Variants in MME observed in about 807,000 individuals in gnomAD.
The protein encoded by MME is neprilysin.
In MME, 98 loss-of-function variants were observed where a neutral mutation model predicts 113.2. That is an observed-to-expected ratio of 0.87 (90% CI 0.74 to 1.02). The LOEUF (loss-of-function observed/expected upper bound fraction) is 1.02. Ranked by LOEUF, MME falls within the 50% of genes least tolerant of loss-of-function variation. MME has a pLI of 0.00. For missense variants in MME, 836 were observed against 896.0 expected (o/e 0.93, Z 0.86); for synonymous variants, 292 against 300.6 (o/e 0.97, Z 0.30).
chr3:155,172,950 G>T (rs1248965875), intron 22 of MME, among the ~76,000 whole-genome samples: 2 of 151,932 alleles, frequency 1.3e-5, no homozygotes, highest in Non-Finnish European at 2.9e-5. Flanking sequence ...AATGGTTTAG[G>T]CCCAGACCCA....
At chr3:155,048,088 G>A (rs377676432) in intron 1 of MME, among the ~76,000 whole-genome samples, 6 of 152,076 alleles carry the variant, frequency 3.9e-5, no homozygotes, top group South Asian at 2.1e-4. Context: ...TCAAAGCTCC[G>A]TCCCATTTTG....
intron 8 of MME, 132 bp from the exon 9 acceptor site, chr3:155,137,970 C>G: frequency 9.8e-7 from 1 of 1,023,944 alleles, no homozygotes; most frequent in Non-Finnish European, 1.5e-6. Context: ...TCTTTAAATA[C>G]TTAGAAAAGG....
intron 1 of MME, among the ~76,000 whole-genome samples, chr3:155,083,356 G>C (rs1295725344): frequency 1.3e-5 from 2 of 152,200 alleles, no homozygotes; most frequent in Admixed American, 1.3e-4. Flanking sequence ...TGAGGTGAAA[G>C]ATTTTAGGAA....
intron 1 of MME, among the ~76,000 whole-genome samples, chr3:155,064,886 T>C (rs1483950529): frequency 1.3e-5 from 2 of 152,202 alleles, no homozygotes; most frequent in African/African-American, 4.8e-5. Context: ...CAACAACCTT[T>C]GGTGTCCTTT....
At chr3:155,142,355 T>C in intron 12 of MME, 25 bp downstream of exon 12, 1 of 1,569,050 alleles carries the variant, frequency 6.4e-7, no homozygotes, top group East Asian at 2.2e-5. Context: ...TCTCTTTTCT[T>C]AAGACTTAAA....
upstream of MME, among the ~76,000 whole-genome samples, chr3:155,077,367 C>G (rs1714781607): frequency 6.6e-6 from 1 of 152,144 alleles, no homozygotes; most frequent in South Asian, 2.1e-4. Flanking sequence ...CTACTTTCTC[C>G]TCCATTCCTA....
intron 1 of MME, among the ~76,000 whole-genome samples, chr3:155,046,321 C>CAT (rs1713558326): frequency 2.0e-5 from 3 of 152,120 alleles, no homozygotes; most frequent in African/African-American, 7.2e-5. Context: ...AATCTTGTGC[C>CAT]ACATAATGAC....
intron 17 of MME, 45 bp downstream of exon 17, chr3:155,160,493 C>A: frequency 1.5e-6 from 2 of 1,332,124 alleles, no homozygotes; most frequent in Non-Finnish European, 2.2e-6. Context: ...CTCTATCGTT[C>A]CCAACCTGTA....
chr3:155,151,788 A>C lies in MME; in HGVS notation c.1601+3135A>C, dbSNP rs553978134. On this transcript the variant is annotated intron_variant, in intron 16 of 22. Transcript: ENST00000360490. ...CATTTTAAAAAAAAAGTCTGCATCC[A>C]CCAGCTGCTATTTAAATATTACGTA... Among the ~76,000 whole-genome samples the C allele has an allele frequency of 1.1e-4, 16 of 152,226 alleles. No individual in the cohort carries two copies. In the South Asian group the frequency reaches 3.3e-3, roughly 32 times the overall value.
At chr3:155,026,649 C>A (rs1185078287) in intron 1 of MME, among the ~76,000 whole-genome samples, 1 of 152,082 alleles carries the variant, frequency 6.6e-6, no homozygotes, top group Non-Finnish European at 1.5e-5. Flanking sequence ...GCTTGAACCC[C>A]ACAGGCAGAG....
chr3:155,131,748 G>C (rs1720165139), intron 8 of MME, among the ~76,000 whole-genome samples: 1 of 152,080 alleles, frequency 6.6e-6, no homozygotes, highest in South Asian at 2.1e-4. Flanking sequence ...TCCACTGGGG[G>C]CTATTTTTTA....
At chr3:155,147,275 T>C in intron 15 of MME, 51 bp downstream of exon 15, 1 of 1,165,544 alleles carries the variant, frequency 8.6e-7, no homozygotes, top group South Asian at 1.2e-5. Context: ...GGGCTGGTAG[T>C]AGTGTCATTT....
rs112929331 is a variant in MME at position 155,063,790 on chromosome 3, T to C, written c.-10-20368T>C. 4.3e-4 allele frequency among the ~76,000 whole-genome samples: 64 copies of C among 147,784 alleles called. 1 individual carries two copies. Among genetic ancestry groups the C allele is most frequent in the African/African-American group, 1.3e-3 (51 of 39,948 alleles). ...CTTTTCCCAAAAAGATGCCTGCATA[T>C]AGGGGAAGAAAGGGTTTATATGGTC... On this transcript the variant is annotated intron_variant, in intron 1 of 22. Transcript: ENST00000492661.
chr3:155,091,753 A>G (rs1716316955), intron 3 of MME, among the ~76,000 whole-genome samples: 1 of 152,244 alleles, frequency 6.6e-6, no homozygotes, highest in Admixed American at 6.5e-5. Context: ...TACGCAATTT[A>G]AAAAACCATA....
intron 1 of MME, among the ~76,000 whole-genome samples, chr3:155,043,666 T>G (rs1234459213): frequency 3.9e-5 from 6 of 152,110 alleles, no homozygotes; most frequent in Non-Finnish European, 5.9e-5. Context: ...ATTTGCCACC[T>G]TCATAATATA....
chr3:155,070,845 C>T (rs1714526748), intron 1 of MME, among the ~76,000 whole-genome samples: 1 of 152,098 alleles, frequency 6.6e-6, no homozygotes, highest in Non-Finnish European at 1.5e-5. Flanking sequence ...CAGAAAGAAC[C>T]AGAGATTTAA....
intron 16 of MME, among the ~76,000 whole-genome samples, chr3:155,154,940 C>A (rs1722206365): frequency 6.6e-6 from 1 of 152,150 alleles, no homozygotes; most frequent in Non-Finnish European, 1.5e-5. Context: ...TAAACTTGAA[C>A]AAATCAGTTT....
chr3:155,168,473 TTAAA>T lies in MME; in HGVS notation c.1781-12_1781-9del, dbSNP rs1219818559. On this transcript the variant is annotated splice_polypyrimidine_tract_variant and intron_variant, in intron 18 of 22. Transcript: ENST00000360490. ...TTGTTGCAATGAGTTCCCATTTTAC[TTAAA>T]TAAATATATTATAGGCAGAAACTTT... 1.9e-6 allele frequency: 3 copies of T among 1,601,066 alleles called. No homozygotes were observed. Among genetic ancestry groups the T allele is most frequent in the East Asian group, 2.3e-5 (1 of 44,274 alleles).
At chr3:155,093,388 G>A (rs534086793) in intron 3 of MME, among the ~76,000 whole-genome samples, 1 of 152,110 alleles carries the variant, frequency 6.6e-6, no homozygotes, top group Non-Finnish European at 1.5e-5. Context: ...ACCCCCTGGG[G>A]TTTCACTTAC....
Sources: allele counts gnomAD v4.1 joint callset (sites outside exome capture counted in the v4.1 genomes callset), GRCh38; gene constraint gnomAD v4.1.1; transcripts MANE v1.5; gene names NCBI Gene and HGNC (gene_info 2026-07-23, HGNC 2026-07-21).